STXBP5: variants seen among roughly 807,000 people sequenced by gnomAD.
STXBP5 encodes the protein syntaxin-binding protein 5.
A neutral mutation model predicts 152.4 loss-of-function variants in STXBP5; 50 were observed. The observed-to-expected ratio is 0.33, with a 90% CI of 0.26 to 0.42. STXBP5 has a LOEUF of 0.42. STXBP5 is among the 10% of genes least tolerant of loss of function. STXBP5 has a pLI of 1.00. For synonymous variants in STXBP5, 492 were observed against 494.7 expected (o/e 0.99, Z 0.07); for missense variants, 1,167 against 1,388.6 (o/e 0.84, Z 2.54).
chr6:147,217,801 A>T (rs971400613), intron 2 of STXBP5, among the ~76,000 whole-genome samples: 4 of 152,210 alleles, frequency 2.6e-5, no homozygotes, highest in Non-Finnish European at 5.9e-5. Flanking sequence ...AAATTTTCAG[A>T]TACTGTTGGA....
chr6:147,294,188 T>C (rs1017121337), intron 9 of STXBP5, among the ~76,000 whole-genome samples: 4 of 152,172 alleles, frequency 2.6e-5, no homozygotes, highest in African/African-American at 2.4e-5. Context: ...GAGAAACTAA[T>C]GTGAATCAGG....
intron 6 of STXBP5, among the ~76,000 whole-genome samples, chr6:147,264,588 G>A (rs1298808368): frequency 6.6e-6 from 1 of 151,968 alleles, no homozygotes; most frequent in African/African-American, 2.4e-5. Context: ...GGTTATATAC[G>A]TTGTAGAGAA....
chr6:147,299,256 A>AC (rs1177514083), intron 9 of STXBP5, among the ~76,000 whole-genome samples: 1 of 151,698 alleles, frequency 6.6e-6, no homozygotes, highest in East Asian at 1.9e-4. Context: ...ATCTAAAAAA[A>AC]AAAAGTGTAT....
At chr6:147,212,911 A>G (rs1477786199) in intron 2 of STXBP5, among the ~76,000 whole-genome samples, 1 of 152,294 alleles carries the variant, frequency 6.6e-6, no homozygotes, top group Admixed American at 6.5e-5. Flanking sequence ...GGAAACCAGG[A>G]CTTTTTTTTA....
Position 147,310,175 on chromosome 6 carries a change from G to A in STXBP5, c.1009G>A (p.Val337Met). Residue 337 changes from valine (V) to methionine (M), a missense_variant, in exon 10 of 28, where the codon GTG (valine) becomes ATG (methionine). By Grantham distance (21) the Val-to-Met change is conservative. This residue lies in a region of STXBP5 where 833 missense variants were observed against 986.3 expected (regional missense o/e 0.84). Coordinates refer to ENST00000321680, the MANE Select transcript of STXBP5 (RefSeq NM_001127715.4). ...AGTGATGCATGGGAAAAGCACTGCT[G>A]TGCTAGAAATGGACTATTCAATTGT... ...LTVMHGKSTA[V>M]LEMDYSIVDF... 1 of 1,605,630 alleles carries A rather than the reference G, an allele frequency of 6.2e-7. No homozygotes were observed. The highest frequency in any genetic ancestry group is 8.5e-7 in the Non-Finnish European group (1 of 1,177,538).
Position 147,359,199 on chromosome 6 carries a change from G to A in STXBP5, c.2421G>A (p.Thr807=), listed in dbSNP as rs747054710. Residue 807 remains threonine (T), a synonymous_variant, in exon 23 of 28, where the codon ACG becomes ACA. Coordinates refer to ENST00000321680, the MANE Select transcript of STXBP5 (RefSeq NM_001127715.4). ...LHFCETFTRK[T]DSSPSPCLWV... ...TCTGTGAAACGTTTACTCGAAAGAC[G>A]GACTCGTCCCCTTCCCCTTGTCTAT... is the stretch of plus-strand genomic sequence containing the variant. 35 of 1,613,884 alleles carry A rather than the reference G, an allele frequency of 2.2e-5. No homozygotes were observed. Among genetic ancestry groups the A allele is most frequent in the Admixed American group, 3.3e-5 (2 of 59,976 alleles).
At chr6:147,317,502 A>G (rs1782702446) in intron 16 of STXBP5, among the ~76,000 whole-genome samples, 1 of 152,128 alleles carries the variant, frequency 6.6e-6, no homozygotes, top group African/African-American at 2.4e-5. Context: ...GATGCTATTG[A>G]CACTTAGTGG....
At chr6:147,306,852 G>A (rs1582919587) in intron 9 of STXBP5, among the ~76,000 whole-genome samples, 1 of 152,110 alleles carries the variant, frequency 6.6e-6, no homozygotes, top group Non-Finnish European at 1.5e-5. Context: ...CGCTCCTGTG[G>A]CCCTGCCCTC....
intron 23 of STXBP5, among the ~76,000 whole-genome samples, chr6:147,359,977 G>T (rs536688989): frequency 6.6e-6 from 1 of 152,178 alleles, no homozygotes; most frequent in South Asian, 2.1e-4. Flanking sequence ...CCATCAAAAA[G>T]TGGGCAAAGG....
At chr6:147,356,013 A>T (rs1410512680) in intron 22 of STXBP5, among the ~76,000 whole-genome samples, 1 of 152,086 alleles carries the variant, frequency 6.6e-6, no homozygotes, top group Non-Finnish European at 1.5e-5. Context: ...ACCTATTTCT[A>T]TCAGTTTCAA....
At chr6:147,215,421 GC>G (rs1235245385) in intron 2 of STXBP5, among the ~76,000 whole-genome samples, 2 of 152,064 alleles carry the variant, frequency 1.3e-5, no homozygotes, top group Non-Finnish European at 2.9e-5. Context: ...TGGCTCTGTC[GC>G]CCAGGTGGAG....
intron 21 of STXBP5, among the ~76,000 whole-genome samples, chr6:147,345,521 G>C (rs965212527): frequency 6.6e-6 from 1 of 151,910 alleles, no homozygotes; most frequent in African/African-American, 2.4e-5. Flanking sequence ...AGTAGTGTTG[G>C]ATCTCTGCCT....
chr6:147,335,472 A>G (rs1449581195), intron 19 of STXBP5, among the ~76,000 whole-genome samples: 1 of 152,256 alleles, frequency 6.6e-6, no homozygotes, highest in African/African-American at 2.4e-5. Context: ...GTGATATATT[A>G]CACTTAAATA....
intron 11 of STXBP5, among the ~76,000 whole-genome samples, chr6:147,311,788 TG>T (rs1328686031): frequency 3.3e-5 from 5 of 152,162 alleles, no homozygotes; most frequent in African/African-American, 1.2e-4. Flanking sequence ...TTAGATATCC[TG>T]GGGCCACACA....
intron 7 of STXBP5, among the ~76,000 whole-genome samples, chr6:147,273,878 G>A (rs1338057217): frequency 1.3e-5 from 2 of 151,988 alleles, no homozygotes; most frequent in African/African-American, 4.8e-5. Flanking sequence ...CATGAACCCG[G>A]GAGGCAGAGC....
intron 4 of STXBP5, among the ~76,000 whole-genome samples, chr6:147,246,119 T>G (rs1028933972): frequency 6.6e-6 from 1 of 152,236 alleles, no homozygotes; most frequent in African/African-American, 2.4e-5. Context: ...TTTGCTCCCA[T>G]AGAAACTGAG....
intron 2 of STXBP5, among the ~76,000 whole-genome samples, chr6:147,206,561 T>A (rs1280881541): frequency 6.6e-6 from 1 of 152,172 alleles, no homozygotes; most frequent in African/African-American, 2.4e-5. Flanking sequence ...AGCAAATTAA[T>A]TTTCTATGAA....
At chr6:147,305,393 A>G (rs903568884) in intron 9 of STXBP5, among the ~76,000 whole-genome samples, 1 of 152,134 alleles carries the variant, frequency 6.6e-6, no homozygotes, top group Non-Finnish European at 1.5e-5. Context: ...CAGCCCTTCT[A>G]TTAAAGAGAT....
chr6:147,311,643 T>G, intron 11 of STXBP5, 116 bp downstream of exon 11: 1 of 714,578 alleles, frequency 1.4e-6, no homozygotes, highest in Non-Finnish European at 2.3e-6. Flanking sequence ...ATCCATAACC[T>G]TGACCTCTTT....
Sources: gnomAD v4.1 joint callset for allele counts (sites outside exome capture counted in the v4.1 genomes callset) on GRCh38, gnomAD v4.1.1 for gene constraint, gnomAD v4.1.1 regional missense constraint, MANE v1.5 for transcripts, NCBI Gene and HGNC (gene_info 2026-07-23, HGNC 2026-07-21) for gene names.